CFAP57: variants seen among roughly 807,000 people sequenced by gnomAD.
The protein encoded by CFAP57 is cilia and flagella associated protein 57.
Under a neutral mutation model 146.8 loss-of-function variants are expected in CFAP57, and 116 were observed. The ratio of observed to expected loss-of-function variants is 0.79; its 90% CI spans 0.68 to 0.92. The LOEUF is 0.92. Ranked by LOEUF, CFAP57 falls within the 40% of genes least tolerant of loss-of-function variation. The probability of loss-of-function intolerance (pLI) is 0.00; values close to 1 mark genes in which losing one functional copy is unlikely to be tolerated. For missense variants in CFAP57, 1,377 were observed against 1,527.2 expected (o/e 0.90, Z 1.64); for synonymous variants, 518 against 552.8 (o/e 0.94, Z 0.88).
At chr1:43,211,122 G>A (rs1441260763) in intron 11 of CFAP57, among the ~76,000 whole-genome samples, 1 of 152,056 alleles carries the variant, frequency 6.6e-6, no homozygotes, top group African/African-American at 2.4e-5. Context: ...TTAAGAAAAG[G>A]TTTCTCATTA....
chr1:43,237,516 T>C (rs968839805), intron 21 of CFAP57, among the ~76,000 whole-genome samples: 1 of 152,142 alleles, frequency 6.6e-6, no homozygotes, highest in Non-Finnish European at 1.5e-5. Context: ...CTCAACTCAT[T>C]GTATGCAGTG....
Position 43,254,297 on chromosome 1 carries a change from C to G in CFAP57, c.*106C>G, listed in dbSNP as rs1443110993. On this transcript the variant is annotated 3_prime_UTR_variant, in exon 23 of 23. Transcript: ENST00000372492. ...CTGTATGGTCCCTGCAGCACTGACC[C>G]CAGCAACCTCTTTCTCTTGCCCTGG... The G allele has an allele frequency of 1.0e-6, 1 of 963,872 alleles. No homozygotes were observed. Among genetic ancestry groups the G allele is most frequent in the Non-Finnish European group, 1.5e-6 (1 of 659,034 alleles). 59.7% of individuals were successfully genotyped at this position (963,872 alleles called of 1,614,324 possible).
At chr1:43,185,529 G>C (rs770536512) in intron 5 of CFAP57, among the ~76,000 whole-genome samples, 173 bp downstream of exon 5, 1 of 151,898 alleles carries the variant, frequency 6.6e-6, no homozygotes, top group Non-Finnish European at 1.5e-5. Flanking sequence ...AGGATGAGGT[G>C]AACAGAATTA....
Position 43,206,774 on chromosome 1 carries a change from G to C in CFAP57, c.1597G>C (p.Asp533His). 6.2e-7 allele frequency: 1 copy of C among 1,614,168 alleles called. No homozygotes were observed. Among genetic ancestry groups the C allele is most frequent in the Non-Finnish European group, 8.5e-7 (1 of 1,180,040 alleles). ...DDSKLISGGTDGAVYEWNLST... is the reference protein window; with the variant it reads ...DDSKLISGGTHGAVYEWNLST... ...TAGCAAACTGATTTCTGGTGGCACA[G>C]ATGGTGCTGTGTATGAATGGAATCT... The change falls in exon 10 of 23, where the codon GAT becomes CAT. Residue 533 changes from aspartate (D) to histidine (H), a missense_variant. Asp to His is a moderately conservative substitution (Grantham distance 81, BLOSUM62 -1). Transcript: ENST00000372492.
chr1:43,226,895 T>G, intron 17 of CFAP57, 88 bp from the exon 18 acceptor site: 4 of 1,370,962 alleles, frequency 2.9e-6, no homozygotes, highest in East Asian at 2.7e-5. Context: ...ACCAGGAGAG[T>G]CACAGGCTTC....
intron 22 of CFAP57, among the ~76,000 whole-genome samples, chr1:43,251,167 A>C (rs1414942347): frequency 6.6e-6 from 1 of 152,232 alleles, no homozygotes; most frequent in African/African-American, 2.4e-5. Flanking sequence ...TATATTGCTG[A>C]AACACCAGGA....
intron 9 of CFAP57, among the ~76,000 whole-genome samples, chr1:43,205,350 C>G (rs898324206): frequency 3.9e-5 from 6 of 152,204 alleles, no homozygotes; most frequent in Admixed American, 3.9e-4. Flanking sequence ...GTAGAGCTCC[C>G]TGTCTTAGCA....
In CFAP57 at chr1:43,229,764, G is replaced by A. The variant is rs549412707; in HGVS notation, c.3009+2638G>A. The stretch of plus-strand genomic sequence containing the variant: ...TTTGAGGTAGGTAATTCTCTGTCAT[G>A]GAGGGTCTGTCCTGTATATTGTAGG... On this transcript the variant is annotated intron_variant, in intron 18 of 22. Coordinates refer to ENST00000372492, the MANE Select transcript of CFAP57 (RefSeq NM_001378189.1). Among the ~76,000 whole-genome samples the A allele has an allele frequency of 4.2e-4, 63 of 149,016 alleles. 2 individuals are homozygous for A. Among genetic ancestry groups the A allele is most frequent in the Non-Finnish European group, 8.3e-4 (56 of 67,614 alleles).
rs546801986 is a variant in CFAP57, at chr1:43,172,564, G to A, written c.-20+111G>A. 53 of 790,018 alleles carry A rather than the reference G, an allele frequency of 6.7e-5. No individual in the cohort carries two copies. The East Asian group carries it at 1.4e-3, about 21-fold the overall frequency. 48.9% of individuals were successfully genotyped at this position (790,018 alleles called of 1,614,324 possible). ...TGGGGTGGCGCGGAGGAGGACCCCG[G>A]GGGAGGGGAAAGGGGAGGGACAAGG... On this transcript the variant is annotated intron_variant, in intron 1 of 22. Coordinates refer to ENST00000372492, the MANE Select transcript of CFAP57 (RefSeq NM_001378189.1).
At chr1:43,231,264 G>A (rs540381642) in intron 18 of CFAP57, among the ~76,000 whole-genome samples, 3 of 152,186 alleles carry the variant, frequency 2.0e-5, no homozygotes, top group Non-Finnish European at 4.4e-5. Context: ...GGGCCTCCTG[G>A]CACCCCCCAG....
At chr1:43,250,583 C>T (rs1646299215) in intron 22 of CFAP57, among the ~76,000 whole-genome samples, 1 of 152,174 alleles carries the variant, frequency 6.6e-6, no homozygotes, top group Non-Finnish European at 1.5e-5. Context: ...TTCTGATTTC[C>T]CATGACTATA....
chr1:43,185,395 C>T, intron 5 of CFAP57, 39 bp downstream of exon 5: 1 of 1,586,474 alleles, frequency 6.3e-7, no homozygotes, highest in Non-Finnish European at 8.6e-7. Flanking sequence ...AATGGGGGTC[C>T]TATTGGCATT....
At chr1:43,191,035 T>G (rs898533991) in intron 6 of CFAP57, among the ~76,000 whole-genome samples, 2 of 152,192 alleles carry the variant, frequency 1.3e-5, no homozygotes, top group African/African-American at 4.8e-5. Context: ...TTGTGAAGAA[T>G]TGGTATTAAT....
At chr1:43,205,275 A>G (rs1166703291) in intron 9 of CFAP57, among the ~76,000 whole-genome samples, 4 of 152,154 alleles carry the variant, frequency 2.6e-5, no homozygotes, top group African/African-American at 9.7e-5. Flanking sequence ...GTTTTAGACA[A>G]TGCCCATAGG....
Position 43,201,861 on chromosome 1 carries a change from C to G in CFAP57, c.1542+2358C>G, listed in dbSNP as rs1644139237. Reference sequence around the variant, plus strand: ...AACTACTGACCTCAGGTGATCCACCCACCTCGGCCTCCCAAAGTCCTGGGA... The same window carrying G: ...AACTACTGACCTCAGGTGATCCACCGACCTCGGCCTCCCAAAGTCCTGGGA... On this transcript the variant is annotated intron_variant, in intron 9 of 22. Transcript: ENST00000372492. The surrounding 1 kb of genome is among the most constrained non-coding windows in gnomAD (Gnocchi z 4.4). Among the ~76,000 whole-genome samples the G allele has an allele frequency of 6.6e-6, 1 of 152,200 alleles. No homozygotes were observed. Among genetic ancestry groups the G allele is most frequent in the South Asian group, 2.1e-4 (1 of 4,834 alleles).
chr1:43,190,275 T>G (rs1643419361), intron 6 of CFAP57, among the ~76,000 whole-genome samples: 1 of 143,184 alleles, frequency 7.0e-6, no homozygotes, highest in South Asian at 2.3e-4. Context: ...CTTTTTTTTT[T>G]TTTTTTTTTT....
Position 43,219,453 on chromosome 1 carries a change from A to G in CFAP57, c.2163A>G (p.Leu721=). 6.4e-7 allele frequency: 1 copy of G among 1,550,642 alleles called. No homozygotes were observed. The highest frequency in any genetic ancestry group is 8.7e-7 in the Non-Finnish European group (1 of 1,146,986). ...LKMENEYQLR[L]KDMNYSEKIK... is the part of the protein sequence containing the mutation. ...TGGAGAATGAGTATCAACTCCGACT[A>G]AAGGACATGAACTATTCTGAGAAGA... The change falls in exon 13 of 23, where the codon CTA becomes CTG. Residue 721 remains leucine (L), a synonymous_variant. Coordinates refer to ENST00000372492, the MANE Select transcript of CFAP57 (RefSeq NM_001378189.1).
chr1:43,181,575 C>T lies in CFAP57; in HGVS notation c.199C>T (p.Pro67Ser), dbSNP rs200345375. ...GGGCATGTTGGCCTTGTCCATCAGT[C>T]CCAATCGGCGGTACCTCGCTATCTC... The part of the protein sequence containing the change: ...SQGMLALSIS[P>S]NRRYLAISET... Residue 67 changes from proline (P) to serine (S), a missense_variant, in exon 3 of 23, where the codon CCC becomes TCC. Transcript: ENST00000372492. 9.3e-6 allele frequency: 15 copies of T among 1,614,194 alleles called. 1 individual carries two copies. In the South Asian group the frequency reaches 1.4e-4, roughly 15 times the overall value.
intron 7 of CFAP57, 137 bp from the exon 8 acceptor site, chr1:43,198,344 T>C: frequency 1.0e-6 from 1 of 988,796 alleles, no homozygotes; most frequent in African/African-American, 1.6e-5. Context: ...AACCAAGATC[T>C]AGAAAAGAGA....
Sources: gnomAD v4.1 joint callset for allele counts (sites outside exome capture counted in the v4.1 genomes callset) on GRCh38, gnomAD v4.1.1 for gene constraint, Gnocchi (gnomAD v3.1) non-coding constraint, MANE v1.5 for transcripts, NCBI Gene and HGNC (gene_info 2026-07-23, HGNC 2026-07-21) for gene names.